The following PRDM16 variants were observed in gnomAD, a reference collection of about 807,000 sequenced individuals.
The protein encoded by PRDM16 is PR/SET domain 16, also known as histone-lysine N-methyltransferase PRDM16.
A neutral mutation model predicts 110.6 loss-of-function variants in PRDM16; 23 were observed. The ratio of observed to expected loss-of-function variants is 0.21; its 90% CI spans 0.15 to 0.29. The LOEUF (loss-of-function observed/expected upper bound fraction) is 0.29, where lower values mean the gene tolerates loss of function less well. Among genes scored for constraint, PRDM16 ranks in the 10% least tolerant of loss-of-function variants. The probability of loss-of-function intolerance (pLI) is 1.00; values close to 1 mark genes in which losing one functional copy is unlikely to be tolerated. For synonymous variants in PRDM16, 799 were observed against 781.8 expected, an observed-to-expected ratio of 1.02 and a Z score of -0.37; for missense variants, 1,615 against 1,794.3, an observed-to-expected ratio of 0.90 and a Z score of 1.81.
rs144542305 is a variant in PRDM16, at chr1:3,434,766, G to A, written c.*955G>A. 1.9e-3 allele frequency: 439 copies of A among 232,362 alleles called. 1 individual carries two copies. Among genetic ancestry groups the A allele is most frequent in the African/African-American group, 8.7e-3 (396 of 45,384 alleles). 14.4% of individuals were successfully genotyped at this position (232,362 alleles called of 1,614,324 possible). A position where few individuals can be genotyped will look rare whatever the true frequency, so the allele number is the denominator to read the frequency against. On this transcript the variant is annotated 3_prime_UTR_variant, in exon 17 of 17. Transcript: ENST00000270722. Reference sequence around the variant, plus strand: ...GGATCCGCCATGCAGAGATGTGGCCGGGCACCCATCTTCCTTCCCTCCTCT... The same window carrying A: ...GGATCCGCCATGCAGAGATGTGGCCAGGCACCCATCTTCCTTCCCTCCTCT...
chr1:3,186,241 T>C lies in PRDM16; in HGVS notation c.154T>C (p.Ser52Pro). The C allele has an allele frequency of 6.2e-7, 1 of 1,612,164 alleles. No homozygotes were observed. Among genetic ancestry groups the C allele is most frequent in the Non-Finnish European group, 8.5e-7 (1 of 1,179,596 alleles). The part of the protein sequence containing the change: ...AMSPIPVGPP[S>P]PFPTSEDFTP... ...GTCGCCCATCCCCGTGGGGCCACCGTCCCCCTTCCCCACCAGCGAGGACTT... is the reference window on the plus strand; with the variant it reads ...GTCGCCCATCCCCGTGGGGCCACCGCCCCCCTTCCCCACCAGCGAGGACTT... Residue 52 changes from serine (S) to proline (P), a missense_variant, in exon 2 of 17, where the codon TCC (serine) becomes CCC (proline). Around this residue, in one of 5 missense-constraint regions of PRDM16, gnomAD observed 416 missense variants for 467.1 expected, o/e 0.89. Transcript: ENST00000270722.
intron 1 of PRDM16, among the ~76,000 whole-genome samples, chr1:3,101,920 A>G (rs556956065): frequency 3.6e-4 from 55 of 152,360 alleles, no homozygotes; most frequent in Non-Finnish European, 6.3e-4. Flanking sequence ...GCTGGGGCAC[A>G]GTCTTTGCTG....
intron 3 of PRDM16, among the ~76,000 whole-genome samples, chr1:3,286,571 G>A (rs1640848561): frequency 6.6e-6 from 1 of 152,178 alleles, no homozygotes; most frequent in African/African-American, 2.4e-5. Context: ...GGAGAAAGAA[G>A]AAGACATGGA....
chr1:3,313,755 G>A (rs1255163358), intron 3 of PRDM16, among the ~76,000 whole-genome samples: 6 of 152,212 alleles, frequency 3.9e-5, no homozygotes, highest in Admixed American at 1.3e-4. Flanking sequence ...TGGGATTTGC[G>A]AATGTGTGAA....
chr1:3,289,502 C>A (rs947172299), intron 3 of PRDM16, among the ~76,000 whole-genome samples: 2 of 152,242 alleles, frequency 1.3e-5, no homozygotes, highest in Admixed American at 6.5e-5. Context: ...CCTCCTCACC[C>A]ACACTGGTGC....
chr1:3,271,755 C>T (rs908156098), intron 3 of PRDM16, among the ~76,000 whole-genome samples: 9 of 152,272 alleles, frequency 5.9e-5, no homozygotes, highest in African/African-American at 2.2e-4. Context: ...AGAGATGATC[C>T]TGGCATCACC....
chr1:3,375,893 A>G (rs1473188022), intron 3 of PRDM16, among the ~76,000 whole-genome samples: 4 of 152,334 alleles, frequency 2.6e-5, no homozygotes, highest in Non-Finnish European at 2.9e-5. Flanking sequence ...ATAGGAAGGA[A>G]GGGGAGGAGG....
intron 3 of PRDM16, among the ~76,000 whole-genome samples, chr1:3,283,663 G>A (rs1640778066): frequency 6.6e-6 from 1 of 151,800 alleles, no homozygotes; most frequent in Non-Finnish European, 1.5e-5. Flanking sequence ...GAAGAGACAG[G>A]GGGTGGTCAG....
At chr1:3,321,071 T>G (rs919909727) in intron 3 of PRDM16, among the ~76,000 whole-genome samples, 2 of 152,094 alleles carry the variant, frequency 1.3e-5, no homozygotes, top group African/African-American at 2.4e-5. Context: ...TCACTTACCA[T>G]GGGAGCTGCG....
At chr1:3,328,353 A>T (rs1458184662) in intron 3 of PRDM16, among the ~76,000 whole-genome samples, 6 of 152,202 alleles carry the variant, frequency 3.9e-5, no homozygotes, top group African/African-American at 1.4e-4. Context: ...CCCAGTAGAC[A>T]ACAGTGACAA....
At position 3,313,272 on chromosome 1, in the gene PRDM16, G is replaced by A. The variant is rs12040224; in HGVS notation, c.438+69135G>A. ...GACCGCGCTGTCTATGAAATGCCGCGGAGCTGGAGCCCCACTCGCCGTCAC... is the reference window on the plus strand; with the variant it reads ...GACCGCGCTGTCTATGAAATGCCGCAGAGCTGGAGCCCCACTCGCCGTCAC... On this transcript the variant is annotated intron_variant, in intron 3 of 16. Coordinates refer to ENST00000270722, the MANE Select transcript of PRDM16 (RefSeq NM_022114.4). 7.2e-5 allele frequency among the ~76,000 whole-genome samples: 11 copies of A among 152,360 alleles called. No homozygotes were observed. The East Asian group carries it at 1.2e-3, about 16-fold the overall frequency.
intron 2 of PRDM16, among the ~76,000 whole-genome samples, chr1:3,203,083 G>A (rs1011163509): frequency 1.3e-5 from 2 of 152,202 alleles, no homozygotes; most frequent in African/African-American, 4.8e-5. Flanking sequence ...GTCATGTGGG[G>A]TCACCAAGAT....
chr1:3,338,426 A>T (rs938717413), intron 3 of PRDM16, among the ~76,000 whole-genome samples: 1 of 152,264 alleles, frequency 6.6e-6, no homozygotes, highest in Non-Finnish European at 1.5e-5. Context: ...CCCTTCAGTT[A>T]TCTGAGCAGT....
At chr1:3,235,730 C>T (rs781771377) in intron 2 of PRDM16, among the ~76,000 whole-genome samples, 5 of 152,302 alleles carry the variant, frequency 3.3e-5, no homozygotes, top group East Asian at 3.9e-4. Flanking sequence ...GAGTCCAGGA[C>T]GGCGGGGGCG....
chr1:3,376,716 T>C lies in PRDM16; in HGVS notation c.439-8436T>C, dbSNP rs117187253. On this transcript the variant is annotated intron_variant, in intron 3 of 16. Coordinates refer to ENST00000270722, the MANE Select transcript of PRDM16 (RefSeq NM_022114.4). ...CCAAGCAGCAGCCTCTCTCTCTCTC[T>C]CTCCCCTCACTCTTCCCCCACCCCA... 6.4e-3 allele frequency among the ~76,000 whole-genome samples: 966 copies of C among 152,034 alleles called. 13 individuals are homozygous for C. The highest frequency in any genetic ancestry group is 0.059 in the South Asian group (281 of 4,790).
In PRDM16 at chr1:3,358,252, G is replaced by A. The variant is rs1051418624; in HGVS notation, c.439-26900G>A. Among the ~76,000 whole-genome samples, 11 of 152,278 alleles carry A rather than the reference G, an allele frequency of 7.2e-5. No homozygotes were observed. The East Asian group carries it at 7.7e-4, about 11-fold the overall frequency. ...CAGATAAAGTCACCATGAGACTCCC[G>A]GTTCTGCCTCCTGGGGACCCAGCCT... On this transcript the variant is annotated intron_variant, in intron 3 of 16. Coordinates refer to ENST00000270722, the MANE Select transcript of PRDM16 (RefSeq NM_022114.4). The surrounding 1 kb of genome is among the most constrained non-coding windows in gnomAD (Gnocchi z 4.0).
At position 3,402,994 on chromosome 1, in the gene PRDM16, T is replaced by C. The variant is rs2100642694; in HGVS notation, c.880T>C (p.Tyr294His). The C allele has an allele frequency of 6.2e-7, 1 of 1,609,296 alleles. No individual in the cohort carries two copies. Among genetic ancestry groups the C allele is most frequent in the African/African-American group, 1.3e-5 (1 of 74,890 alleles). ...KDCERMFPNKYSLEQHMVIHT... is the reference protein window; with the variant it reads ...KDCERMFPNKHSLEQHMVIHT... ...CTGCGAGCGGATGTTCCCCAACAAG[T>C]ACAGGTGCCACGCCCTCCTCTGAGT... Residue 294 changes from tyrosine (Y) to histidine (H), a missense_variant, in exon 6 of 17, where the codon TAC (tyrosine) becomes CAC (histidine). Transcript: ENST00000270722.
intron 1 of PRDM16, among the ~76,000 whole-genome samples, chr1:3,171,318 G>A (rs1406229571): frequency 6.6e-6 from 1 of 152,224 alleles, no homozygotes; most frequent in Non-Finnish European, 1.5e-5. Flanking sequence ...TCGCTGTCCG[G>A]GCAGAGCCAG....
chr1:3,316,889 T>G (rs1284940216), intron 3 of PRDM16, among the ~76,000 whole-genome samples: 1 of 152,100 alleles, frequency 6.6e-6, no homozygotes, highest in Non-Finnish European at 1.5e-5. Flanking sequence ...TGATACAATG[T>G]AGCCAGGAAG....
Sources: allele counts gnomAD v4.1 joint callset (sites outside exome capture counted in the v4.1 genomes callset), GRCh38; gene constraint gnomAD v4.1.1; regional missense constraint gnomAD v4.1.1; non-coding constraint Gnocchi (gnomAD v3.1); transcripts MANE v1.5; gene names NCBI Gene and HGNC (gene_info 2026-07-23, HGNC 2026-07-21).